NRXN3: variants seen among roughly 807,000 people sequenced by gnomAD.
NRXN3 encodes the protein neurexin 3.
NRXN3 carries 32 observed loss-of-function variants against 137.6 expected under a neutral mutation model. That is an observed-to-expected ratio of 0.23 (90% confidence interval 0.18 to 0.31). NRXN3 has a LOEUF of 0.31. Among genes scored for constraint, NRXN3 ranks in the 10% least tolerant of loss-of-function variants. NRXN3 has a pLI of 1.00. For synonymous variants in NRXN3, 798 were observed against 784.5 expected, an observed-to-expected ratio of 1.02 and a Z score of -0.29; for missense variants, 1,574 against 2,062.5, an observed-to-expected ratio of 0.76 and a Z score of 4.59.
intron 4 of NRXN3, among the ~76,000 whole-genome samples, chr14:78,577,499 C>G (rs962124028): frequency 1.9e-4 from 29 of 151,982 alleles, no homozygotes; most frequent in African/African-American, 7.0e-4. Flanking sequence ...GAGTTTTGCT[C>G]TTGTTGCCCA....
At chr14:79,235,047 A>T (rs1880831984) in intron 15 of NRXN3, among the ~76,000 whole-genome samples, 1 of 152,160 alleles carries the variant, frequency 6.6e-6, no homozygotes, top group Admixed American at 6.6e-5. Context: ...TTGAAAATAC[A>T]TTAAGTATGT....
rs564594763 is a variant in NRXN3, at chr14:79,283,145, G to A, written c.3263-184076G>A. 2.0e-5 allele frequency among the ~76,000 whole-genome samples: 3 copies of A among 152,254 alleles called. No homozygotes were observed. In the East Asian group the frequency reaches 5.8e-4, roughly 29 times the overall value. ...TTTGGATGGAGGTGGTAGGAGGCAT[G>A]GCACCAAGAGACTGATGGTTGTTAT... is the stretch of plus-strand genomic sequence containing the variant. On this transcript the variant is annotated intron_variant, in intron 15 of 20. Transcript: ENST00000335750.
chr14:78,885,917 G>T (rs2099142329), intron 10 of NRXN3, among the ~76,000 whole-genome samples: 1 of 152,076 alleles, frequency 6.6e-6, no homozygotes, highest in South Asian at 2.1e-4. Context: ...CAGAGGAAGG[G>T]ATGTGAGGGT....
At chr14:79,705,404 AAG>A (rs2098773533) in intron 19 of NRXN3, among the ~76,000 whole-genome samples, 1 of 152,190 alleles carries the variant, frequency 6.6e-6, no homozygotes, top group African/African-American at 2.4e-5. Context: ...ACAGAGCAAG[AAG>A]AAGGGTGAAA....
chr14:79,794,196 CTACAAAAAA>C (rs1002144207), intron 19 of NRXN3, among the ~76,000 whole-genome samples: 1 of 151,982 alleles, frequency 6.6e-6, no homozygotes, highest in Non-Finnish European at 1.5e-5. Context: ...AACCCCGTCT[CTACAAAAAA>C]TACAAAAAAT....
chr14:79,099,864 C>T (rs886222390), intron 15 of NRXN3, among the ~76,000 whole-genome samples: 1 of 152,114 alleles, frequency 6.6e-6, no homozygotes, highest in African/African-American at 2.4e-5. Flanking sequence ...TATTGTCTTC[C>T]TCAAGGCCTC....
intron 15 of NRXN3, among the ~76,000 whole-genome samples, chr14:79,394,878 C>A (rs1431016552): frequency 6.6e-6 from 1 of 152,166 alleles, no homozygotes; most frequent in Non-Finnish European, 1.5e-5. Context: ...CGATCAAGGT[C>A]ACTTACCTGG....
intron 4 of NRXN3, among the ~76,000 whole-genome samples, chr14:78,483,318 C>A (rs1323615327): frequency 6.6e-6 from 1 of 152,188 alleles, no homozygotes; most frequent in African/African-American, 2.4e-5. Context: ...AATGAATTAG[C>A]AACTCTTAAA....
intron 15 of NRXN3, among the ~76,000 whole-genome samples, chr14:79,189,461 A>G (rs945631456): frequency 6.6e-6 from 1 of 151,924 alleles, no homozygotes; most frequent in Non-Finnish European, 1.5e-5. Context: ...TGGGTGCAGC[A>G]CACCAGCATG....
At chr14:78,297,039 C>T (rs1000967929) in intron 3 of NRXN3, among the ~76,000 whole-genome samples, 6 of 152,154 alleles carry the variant, frequency 3.9e-5, no homozygotes, top group Non-Finnish European at 8.8e-5. Context: ...CCCTGTTTGC[C>T]TTCCATAATA....
chr14:78,204,299 C>T (rs376298259), intron 1 of NRXN3, among the ~76,000 whole-genome samples: 7 of 151,614 alleles, frequency 4.6e-5, no homozygotes, highest in African/African-American at 1.2e-4. Flanking sequence ...AGAAAGAGCA[C>T]GAGCATGTAT....
At chr14:78,696,170 T>C (rs1412673514) in intron 6 of NRXN3, among the ~76,000 whole-genome samples, 1 of 152,034 alleles carries the variant, frequency 6.6e-6, no homozygotes, top group African/African-American at 2.4e-5. Flanking sequence ...AAGTGTGATC[T>C]TGAAGAATCT....
chr14:79,781,253 A>G (rs1010852633), intron 19 of NRXN3, among the ~76,000 whole-genome samples: 4 of 152,120 alleles, frequency 2.6e-5, no homozygotes, highest in Admixed American at 2.0e-4. Flanking sequence ...GGTTCATCCA[A>G]TTTAAATAGC....
At chr14:79,602,420 G>A (rs1012559280) in intron 16 of NRXN3, among the ~76,000 whole-genome samples, 6 of 151,968 alleles carry the variant, frequency 3.9e-5, no homozygotes, top group Non-Finnish European at 8.8e-5. Context: ...CTTTCTTCTC[G>A]GCTACAAGTT....
chr14:78,849,517 C>A (rs892025144), intron 10 of NRXN3, among the ~76,000 whole-genome samples: 3 of 152,072 alleles, frequency 2.0e-5, no homozygotes, highest in Admixed American at 6.6e-5. Context: ...CCATGATGTC[C>A]CACAAGAGCT....
chr14:79,150,417 G>C (rs1260934350), intron 15 of NRXN3, among the ~76,000 whole-genome samples: 2 of 151,978 alleles, frequency 1.3e-5, no homozygotes, highest in Non-Finnish European at 2.9e-5. Context: ...GGTGGGTACA[G>C]ATAGAGAAAC....
intron 15 of NRXN3, among the ~76,000 whole-genome samples, chr14:79,322,255 G>A (rs577966771): frequency 7.9e-4 from 121 of 152,264 alleles, no homozygotes; most frequent in African/African-American, 2.8e-3. Flanking sequence ...AATCCTTCAT[G>A]TGGCTTTGGT....
chr14:79,710,965 C>T (rs779569611), intron 19 of NRXN3, among the ~76,000 whole-genome samples: 2 of 151,978 alleles, frequency 1.3e-5, no homozygotes, highest in Non-Finnish European at 2.9e-5. Context: ...TTTACAAAAA[C>T]TTTAGCATGC....
At chr14:79,840,794 G>A (rs1223707723) in intron 20 of NRXN3, among the ~76,000 whole-genome samples, 3 of 152,154 alleles carry the variant, frequency 2.0e-5, no homozygotes, top group Non-Finnish European at 4.4e-5. Context: ...TCTGGAGGTA[G>A]GCTTCTAGTT....
Sources: allele counts gnomAD v4.1 joint callset (sites outside exome capture counted in the v4.1 genomes callset), GRCh38; gene constraint gnomAD v4.1.1; transcripts MANE v1.5; gene names NCBI Gene and HGNC (gene_info 2026-07-23, HGNC 2026-07-21).